PAM: variants seen among roughly 807,000 people sequenced by gnomAD.
PAM encodes peptidyl-glycine alpha-amidating monooxygenase.
Under a neutral mutation model 122.1 loss-of-function variants are expected in PAM, and 72 were observed. The observed-to-expected ratio is 0.59, with a 90% CI of 0.49 to 0.72. The LOEUF (loss-of-function observed/expected upper bound fraction) is 0.72. Among genes scored for constraint, PAM ranks in the 30% least tolerant of loss-of-function variants. The pLI is 0.00. For missense variants in PAM, 1,106 were observed against 1,183.7 expected (o/e 0.93, Z 0.96); for synonymous variants, 389 against 404.4 (o/e 0.96, Z 0.46).
chr5:102,955,759 T>G (rs937335735), intron 12 of PAM, among the ~76,000 whole-genome samples: 2 of 151,972 alleles, frequency 1.3e-5, no homozygotes, highest in Middle Eastern at 3.2e-3. Context: ...TACTTTCTCA[T>G]GTTCATAAAT....
At chr5:102,937,087 CGAA>C (rs1329877865) in intron 7 of PAM, among the ~76,000 whole-genome samples, 2 of 152,140 alleles carry the variant, frequency 1.3e-5, no homozygotes, top group South Asian at 4.1e-4. Flanking sequence ...TTTAGAAATT[CGAA>C]GAAGAATTTA....
intron 3 of PAM, among the ~76,000 whole-genome samples, chr5:102,884,120 G>T (rs1453268407): frequency 6.6e-6 from 1 of 151,812 alleles, no homozygotes; most frequent in African/African-American, 2.4e-5. Flanking sequence ...GTTATAAAGA[G>T]TCACATCAGC....
In PAM at chr5:102,810,069, C is replaced by T. The variant is rs183713545; in HGVS notation, c.-374+54721C>T. On this transcript the variant is annotated intron_variant, in intron 1 of 25. Coordinates refer to ENST00000438793, the MANE Select transcript of PAM (RefSeq NM_001177306.2). ...TTTTCATTAAAACACTCACCTAATA[C>T]TTATGTTGGAAACAAGAATAATATA... Among the ~76,000 whole-genome samples, 111 of 151,598 alleles carry T rather than the reference C, an allele frequency of 7.3e-4. 1 individual carries two copies. The East Asian group carries it at 0.014, about 19-fold the overall frequency.
intron 14 of PAM, among the ~76,000 whole-genome samples, chr5:102,972,788 C>T (rs1766261889): frequency 6.6e-6 from 1 of 152,130 alleles, no homozygotes; most frequent in African/African-American, 2.4e-5. Context: ...TTATAATTTG[C>T]TTTGTTTATT....
At chr5:102,906,248 G>A (rs1799510440) in intron 4 of PAM, among the ~76,000 whole-genome samples, 1 of 151,622 alleles carries the variant, frequency 6.6e-6, no homozygotes, top group African/African-American at 2.4e-5. Context: ...CTATTTTAAT[G>A]GAGAAATGTT....
chr5:102,801,825 C>T (rs1011465599), intron 1 of PAM, among the ~76,000 whole-genome samples: 2 of 133,072 alleles, frequency 1.5e-5, no homozygotes, highest in Non-Finnish European at 3.1e-5. Flanking sequence ...GTCGCCCAGG[C>T]TGGAGTGCAG....
At chr5:102,844,882 TGAACAGGA>T (rs1779584508) in intron 1 of PAM, among the ~76,000 whole-genome samples, 2 of 152,238 alleles carry the variant, frequency 1.3e-5, no homozygotes, top group African/African-American at 4.8e-5. Context: ...TCTCTTGAAG[TGAACAGGA>T]GTAGTTTTTA....
At chr5:102,792,876 C>A (rs1181523248) in intron 1 of PAM, among the ~76,000 whole-genome samples, 3 of 152,112 alleles carry the variant, frequency 2.0e-5, no homozygotes, top group Admixed American at 1.3e-4. Flanking sequence ...CACACACACA[C>A]AAAAAGTGAC....
chr5:102,818,024 CAAAAAAAAAA>C (rs753744226), intron 1 of PAM, among the ~76,000 whole-genome samples: 1 of 55,464 alleles, frequency 1.8e-5, no homozygotes, highest in African/African-American at 6.2e-5. Context: ...TTTTTTTTCT[CAAAAAAAAAA>C]AAAAAAAAAA....
rs777515576 is a variant in PAM, at chr5:102,959,963, A to C, written c.994A>C (p.Asn332His). The C allele has an allele frequency of 1.9e-6, 3 of 1,611,956 alleles. No homozygotes were observed. The highest frequency in any genetic ancestry group is 2.5e-6 in the Non-Finnish European group (3 of 1,178,192). The change falls in exon 13 of 26, where the codon AAT becomes CAT. Residue 332 changes from asparagine (N) to histidine (H), a missense_variant. Asn to His is a moderately conservative substitution (Grantham distance 68, BLOSUM62 1). This residue lies in a region of PAM where 670 missense variants were observed against 690.3 expected (regional missense o/e 0.97). Transcript: ENST00000438793. ...AGTTTCTTTCATGACCTGTACCCAG[A>C]ATGTAGCTCCAGATATGTTCAGAAC... ...HAVSFMTCTQ[N>H]VAPDMFRTIP...
chr5:102,975,559 C>T (rs1040491974), intron 15 of PAM, among the ~76,000 whole-genome samples: 1 of 152,110 alleles, frequency 6.6e-6, no homozygotes, highest in Non-Finnish European at 1.5e-5. Flanking sequence ...GTCCCTGGAC[C>T]TCCTTGCCTC....
At chr5:102,826,064 T>A (rs6880688) in intron 1 of PAM, among the ~76,000 whole-genome samples, 1 of 152,160 alleles carries the variant, frequency 6.6e-6, no homozygotes, top group African/African-American at 2.4e-5. Context: ...GCAAACTGAT[T>A]GTTAACAAAG....
At chr5:102,924,237 G>T (rs1188890577) in intron 5 of PAM, among the ~76,000 whole-genome samples, 6 of 151,916 alleles carry the variant, frequency 3.9e-5, no homozygotes, top group Admixed American at 3.9e-4. Flanking sequence ...TTCAAGACTA[G>T]CCTGGCCAAC....
At chr5:102,798,863 C>A in intron 1 of PAM, among the ~76,000 whole-genome samples, 1 of 152,212 alleles carries the variant, frequency 6.6e-6, no homozygotes, top group Non-Finnish European at 1.5e-5. Context: ...CTGTCTGTAT[C>A]GTGTTTTGTC....
intron 16 of PAM, among the ~76,000 whole-genome samples, chr5:102,993,705 C>T: frequency 6.6e-6 from 1 of 152,072 alleles, no homozygotes; most frequent in African/African-American, 2.4e-5. Context: ...TTTTACAGCT[C>T]ATTTTTCTGT....
chr5:102,866,165 C>G lies in PAM; in HGVS notation c.-31C>G. The G allele has an allele frequency of 6.6e-7, 1 of 1,514,078 alleles. No individual in the cohort carries two copies. Among genetic ancestry groups the G allele is most frequent in the Non-Finnish European group, 9.2e-7 (1 of 1,092,074 alleles). The allele number at this position is 1,514,078 out of a possible 1,614,324, so 93.8% of individuals were successfully genotyped here. ...CCAGCCCCGCGCTGCGCTGCCCGGT[C>G]CTCTCCCGGCGGGGTCGTATCGGCG... is the stretch of plus-strand genomic sequence containing the variant. On this transcript the variant is annotated 5_prime_UTR_variant, in exon 2 of 26. Coordinates refer to ENST00000438793, the MANE Select transcript of PAM (RefSeq NM_001177306.2).
At chr5:103,025,397 C>T (rs1784674450) in intron 24 of PAM, 63 bp downstream of exon 24, 1 of 1,318,310 alleles carries the variant, frequency 7.6e-7, no homozygotes, top group South Asian at 1.2e-5. Flanking sequence ...GCCTAATTAT[C>T]CTCAGGAGTT....
intron 4 of PAM, among the ~76,000 whole-genome samples, chr5:102,903,014 G>A (rs891079792): frequency 6.6e-6 from 1 of 151,454 alleles, no homozygotes; most frequent in Non-Finnish European, 1.5e-5. Flanking sequence ...AAATACAAGT[G>A]AGTATATTCA....
Position 103,014,207 on chromosome 5 carries a change from T to A in PAM, c.2332-3127T>A, listed in dbSNP as rs927870455. 1.7e-4 allele frequency among the ~76,000 whole-genome samples: 26 copies of A among 152,306 alleles called. 1 individual carries two copies. The highest frequency in any genetic ancestry group is 1.5e-3 in the Admixed American group (23 of 15,298). On this transcript the variant is annotated intron_variant, in intron 21 of 25. Coordinates refer to ENST00000438793, the MANE Select transcript of PAM (RefSeq NM_001177306.2). The stretch of plus-strand genomic sequence containing the variant: ...TCAACCAGGATATTAACTTTTAATT[T>A]AAATATGCATCTAGAAATAAAAACT...
Sources: gnomAD v4.1 joint callset for allele counts (sites outside exome capture counted in the v4.1 genomes callset) on GRCh38, gnomAD v4.1.1 for gene constraint, gnomAD v4.1.1 regional missense constraint, MANE v1.5 for transcripts, NCBI Gene and HGNC (gene_info 2026-07-23, HGNC 2026-07-21) for gene names.